Variants in NOL7 observed in about 807,000 individuals in gnomAD.
NOL7 encodes the protein U3 small nucleolar RNA-associated protein NOL7.
Under a neutral mutation model 38.4 loss-of-function variants are expected in NOL7, and 36 were observed. That is an observed-to-expected ratio of 0.94 (90% CI 0.72 to 1.24). The LOEUF (loss-of-function observed/expected upper bound fraction) is 1.24, where lower values mean the gene tolerates loss of function less well. Among genes scored for constraint, NOL7 ranks in the 50% most tolerant of loss-of-function variants. The pLI is 0.00. For missense variants in NOL7, 350 were observed against 315.1 expected, an observed-to-expected ratio of 1.11 and a Z score of -0.84; for synonymous variants, 142 against 126.5, an observed-to-expected ratio of 1.12 and a Z score of -0.82.
At chr6:13,627,975 A>G (rs949777866) in intron 8 of NOL7, among the ~76,000 whole-genome samples, 1 of 151,676 alleles carries the variant, frequency 6.6e-6, no homozygotes, top group African/African-American at 2.4e-5. Flanking sequence ...AACTTAAAGG[A>G]AAAAAAAATA....
At chr6:13,624,204 T>C (rs893524569), downstream of NOL7, among the ~76,000 whole-genome samples, 1 of 152,210 alleles carries the variant, frequency 6.6e-6, no homozygotes, top group South Asian at 2.1e-4. Flanking sequence ...AACTTCAGTA[T>C]TGGTCCTTAA....
chr6:13,627,402 G>A (rs1049543972), intron 8 of NOL7, among the ~76,000 whole-genome samples: 1 of 152,036 alleles, frequency 6.6e-6, no homozygotes, highest in Non-Finnish European at 1.5e-5. Flanking sequence ...AGCAGAGGCA[G>A]GCAGATCATT....
Position 13,621,415 on chromosome 6 carries a change from C to G in NOL7, c.*588C>G, listed in dbSNP as rs896593168. The G allele has an allele frequency of 6.6e-6, 1 of 152,468 alleles. No homozygotes were observed. Among genetic ancestry groups the G allele is most frequent in the African/African-American group, 2.4e-5 (1 of 41,386 alleles). The allele number at this position is 152,468 out of a possible 1,614,324, so 9.4% of individuals were successfully genotyped here. A position where few individuals can be genotyped will look rare whatever the true frequency, so the allele number is the denominator to read the frequency against. On this transcript the variant is annotated 3_prime_UTR_variant, in exon 8 of 8. Transcript: ENST00000451315. ...GTAGAACTCAGATTAATTGTAGAAA[C>G]CATTAATTTTAATTGCTCTAATTTT...
chr6:13,623,115 GCATAT>G (rs772505209), downstream of NOL7, among the ~76,000 whole-genome samples: 5 of 152,224 alleles, frequency 3.3e-5, no homozygotes, highest in South Asian at 8.3e-4. Flanking sequence ...TCAGGGTCCT[GCATAT>G]CATAAGTTTC....
intron 5 of NOL7, 57 bp from the exon 6 acceptor site, chr6:13,620,148 GAAA>G (rs375083758): frequency 6.6e-6 from 9 of 1,371,502 alleles, no homozygotes; most frequent in South Asian, 2.8e-5. Flanking sequence ...GTCTCAGGAA[GAAA>G]AAAAAAAGAA....
chr6:13,628,880 T>C (rs1362066686), intron 8 of NOL7, among the ~76,000 whole-genome samples: 1 of 152,194 alleles, frequency 6.6e-6, no homozygotes, highest in African/African-American at 2.4e-5. Flanking sequence ...CTGGTAAAAG[T>C]TGGTAAAGGG....
downstream of NOL7, among the ~76,000 whole-genome samples, chr6:13,622,724 G>A (rs775047291): frequency 5.3e-5 from 8 of 152,180 alleles, no homozygotes; most frequent in Non-Finnish European, 8.8e-5. Context: ...GGCAGAATCA[G>A]ACTTTTAAAG....
chr6:13,629,705 G>A (rs1034042847), intron 8 of NOL7, among the ~76,000 whole-genome samples: 1 of 152,094 alleles, frequency 6.6e-6, no homozygotes, highest in Admixed American at 6.5e-5. Flanking sequence ...TCAATAAACA[G>A]CTGCTCAACA....
rs527893748 is a variant in NOL7, at chr6:13,621,633, G to T, written c.*806G>T. Reference sequence around the variant, plus strand: ...ACACGGTAAATTGACTAAATATTTGGTTTTTATATAAATAAAGGTCATAAC... The same window carrying T: ...ACACGGTAAATTGACTAAATATTTGTTTTTTATATAAATAAAGGTCATAAC... On this transcript the variant is annotated 3_prime_UTR_variant, in exon 8 of 8. Coordinates refer to ENST00000451315, the MANE Select transcript of NOL7 (RefSeq NM_016167.5). The T allele has an allele frequency of 6.5e-6, 1 of 152,678 alleles. No homozygotes were observed. The highest frequency in any genetic ancestry group is 2.4e-5 in the African/African-American group (1 of 41,538). 9.5% of individuals were successfully genotyped at this position (152,678 alleles called of 1,614,324 possible).
At position 13,629,956 on chromosome 6, in the gene NOL7, TTC is replaced by T. The variant is rs139435726; in HGVS notation, n.574-2435_574-2434del. ...TGTGTGTGTGTGTATTTGCATGAAC[TTC>T]TGAGTCACATGACTCAAAGTTTATG... On this transcript the variant is annotated intron_variant and non_coding_transcript_variant, in intron 8 of 8. Transcript: ENST00000474485. Among the ~76,000 whole-genome samples, 910 of 151,048 alleles carry T rather than the reference TTC, an allele frequency of 6.0e-3. 4 individuals are homozygous for T. The highest frequency in any genetic ancestry group is 0.021 in the African/African-American group (844 of 41,110).
intron 4 of NOL7, 118 bp from the exon 5 acceptor site, chr6:13,617,940 A>C (rs1368627117): frequency 3.2e-5 from 32 of 1,005,436 alleles, no homozygotes; most frequent in Middle Eastern, 2.1e-4. Flanking sequence ...CCTGTATTTC[A>C]TACAAATAAA....
chr6:13,618,218 T>C (rs1275118821), intron 5 of NOL7, 79 bp downstream of exon 5: 6 of 442,720 alleles, frequency 1.4e-5, no homozygotes, highest in East Asian at 8.0e-5. Flanking sequence ...TGGGAAAATA[T>C]TTTATTTTAT....
downstream of NOL7, among the ~76,000 whole-genome samples, chr6:13,624,185 C>T (rs552594815): frequency 6.6e-6 from 1 of 152,306 alleles, no homozygotes; most frequent in East Asian, 1.9e-4. Flanking sequence ...GACACTACTC[C>T]TATTCCCAAA....
chr6:13,616,972 C>G (rs1331761768), intron 3 of NOL7, among the ~76,000 whole-genome samples: 2 of 152,154 alleles, frequency 1.3e-5, no homozygotes, highest in African/African-American at 4.8e-5. Context: ...AAGCGAAAAG[C>G]TATAGTCGTC....
Position 13,620,317 on chromosome 6 carries a change from A to T in NOL7, c.610A>T (p.Asn204Tyr). 2.5e-6 allele frequency: 4 copies of T among 1,614,124 alleles called. No individual in the cohort carries two copies. Among genetic ancestry groups the T allele is most frequent in the Non-Finnish European group, 3.4e-6 (4 of 1,180,008 alleles). ...IHNSLYGPGT[N>Y]RTTVNKFLSL... is the part of the protein sequence containing the mutation. ...TAATTCATTATATGGGCCAGGAACC[A>T]ACAGGACTACTGGTAATTTTTTTAT... The change falls in exon 6 of 8, where the codon AAC (asparagine) becomes TAC (tyrosine). Residue 204 changes from asparagine to tyrosine, a missense_variant. Physicochemically the swap from Asn to Tyr is moderately radical, Grantham distance 143 (BLOSUM62 -2). Transcript: ENST00000451315.
downstream of NOL7, chr6:13,622,204 T>G: frequency 1.5e-6 from 1 of 663,198 alleles, no homozygotes; most frequent in Non-Finnish European, 2.2e-6. Context: ...AGTTAGAAAA[T>G]CATTTGCATC....
chr6:13,625,882 T>C (rs1391528424), downstream of NOL7: 5 of 654,996 alleles, frequency 7.6e-6, no homozygotes, highest in East Asian at 1.1e-4. Flanking sequence ...ATGTAAACTT[T>C]AAACCCATTT....
chr6:13,622,238 T>C, downstream of NOL7: 1 of 1,024,506 alleles, frequency 9.8e-7, no homozygotes. Flanking sequence ...GGAAGCAATG[T>C]AAAGCGACAA....
intron 7 of NOL7, 71 bp from the exon 8 acceptor site, chr6:13,620,681 CAT>C (rs1367410039): frequency 4.2e-5 from 44 of 1,044,760 alleles, no homozygotes; most frequent in Admixed American, 1.5e-4. Context: ...TAATTACATT[CAT>C]ATAGAGTAAT....
Sources: allele counts gnomAD v4.1 joint callset (sites outside exome capture counted in the v4.1 genomes callset), GRCh38; gene constraint gnomAD v4.1.1; transcripts MANE v1.5; gene names NCBI Gene and HGNC (gene_info 2026-07-23, HGNC 2026-07-21).